Variants in PSG7 observed in about 807,000 individuals in gnomAD.
The protein encoded by PSG7 is pregnancy specific beta-1-glycoprotein 7.
A neutral mutation model predicts 45.6 loss-of-function variants in PSG7; 57 were observed. The ratio of observed to expected loss-of-function variants is 1.25; its 90% CI spans 1.01 to 1.56. The LOEUF (loss-of-function observed/expected upper bound fraction) is 1.56, where lower values mean the gene tolerates loss of function less well. Among genes scored for constraint, PSG7 ranks in the 40% most tolerant of loss-of-function variants. The pLI, the probability that PSG7 is intolerant of heterozygous loss-of-function variation, is 0.00. For synonymous variants in PSG7, 298 were observed against 194.4 expected, an observed-to-expected ratio of 1.53 and a Z score of -4.43; for missense variants, 796 against 508.4, an observed-to-expected ratio of 1.57 and a Z score of -5.44.
chr19:42,932,043 A>T lies in PSG7; in HGVS notation c.431-2323T>A, dbSNP rs150306214. On this transcript the variant is annotated intron_variant, in intron 2 of 5. Coordinates refer to ENST00000406070, the MANE Select transcript of PSG7 (RefSeq NM_002783.3). ...TCTCAAACAGCATTTTTTTTTTCTG[A>T]GACAGAGTCTCTCTTTGTCACCCAG... is the stretch of plus-strand genomic sequence containing the variant. Among the ~76,000 whole-genome samples, 1,201 of 150,830 alleles carry T rather than the reference A, an allele frequency of 8.0e-3. 38 individuals carry two copies. The highest frequency in any genetic ancestry group is 0.027 in the African/African-American group (1,104 of 41,018).
chr19:42,931,483 T>A (rs1466675799), intron 2 of PSG7, among the ~76,000 whole-genome samples: 1 of 151,620 alleles, frequency 6.6e-6, no homozygotes, highest in African/African-American at 2.4e-5. Context: ...TAGAAAGAAC[T>A]GCCTGCTTAT....
Position 42,935,532 on chromosome 19 carries a change from A to G in PSG7, c.302T>C (p.Val101Ala), listed in dbSNP as rs782714316. Residue 101 changes from valine to alanine, a missense_variant, in exon 2 of 6, where the codon GTA becomes GCA. Val to Ala is a moderately conservative substitution (Grantham distance 64). Transcript: ENST00000406070. The part of the protein sequence containing the change: ...YGPAYSGRET[V>A]YSNASLLIQN... ...GATCAGCAGGGATGCATTGGAATAT[A>G]CTGTTTCTCGTCCACTGTATGCAGG... is the stretch of plus-strand genomic sequence containing the variant. 6 of 1,612,080 alleles carry G rather than the reference A, an allele frequency of 3.7e-6. 1 individual carries two copies. Among genetic ancestry groups the G allele is most frequent in the Non-Finnish European group, 4.2e-6 (5 of 1,179,032 alleles).
chr19:42,929,592 G>A lies in PSG7; in HGVS notation c.559C>T (p.Leu187Phe), dbSNP rs373212271. 6.1e-5 allele frequency: 99 copies of A among 1,612,598 alleles called. 4 individuals are homozygous for A. The highest frequency in any genetic ancestry group is 3.3e-4 in the Admixed American group (20 of 59,908). ...SYLWWMNGQS[L>F]PMTHSLQLSE... Reference sequence around the variant, plus strand: ...AGCTGCAAGCTGTGAGTCATAGGGAGGCTCTGACCATTCATCCACCACAGG... The same window carrying A: ...AGCTGCAAGCTGTGAGTCATAGGGAAGCTCTGACCATTCATCCACCACAGG... The change falls in exon 3 of 6, where the codon CTC (leucine) becomes TTC (phenylalanine). Residue 187 changes from leucine to phenylalanine, a missense_variant. Coordinates refer to ENST00000406070, the MANE Select transcript of PSG7 (RefSeq NM_002783.3).
chr19:42,935,453 T>G lies in PSG7; in HGVS notation c.381A>C (p.Arg127=), dbSNP rs1413479542. The stretch of plus-strand genomic sequence containing the variant: ...CAGTTACTCCTCCAGTCCCATCACC[T>G]CGCTTTATGATGTGTAAAGTGTAGG... The part of the protein sequence containing the change: ...TGSYTLHIIK[R]GDGTGGVTGR... Residue 127 remains arginine, a synonymous_variant, in exon 2 of 6, where the codon CGA becomes CGC. Coordinates refer to ENST00000406070, the MANE Select transcript of PSG7 (RefSeq NM_002783.3). 2 of 1,612,156 alleles carry G rather than the reference T, an allele frequency of 1.2e-6. No homozygotes were observed. The highest frequency in any genetic ancestry group is 3.3e-5 in the Admixed American group (2 of 59,882).
chr19:42,935,032 G>A lies in PSG7; in HGVS notation c.430+372C>T, dbSNP rs1973113974. 1.3e-5 allele frequency among the ~76,000 whole-genome samples: 2 copies of A among 151,602 alleles called. 1 individual carries two copies. The highest frequency in any genetic ancestry group is 4.9e-5 in the African/African-American group (2 of 41,228). On this transcript the variant is annotated intron_variant, in intron 2 of 5. Coordinates refer to ENST00000406070, the MANE Select transcript of PSG7 (RefSeq NM_002783.3). ...GGGGTCTGGGGTTGAGGCTTCTAGG[G>A]CTGAGCTTCTCTGAGGGTCTCAGGG...
At chr19:42,930,686 GT>G (rs1286584543) in intron 2 of PSG7, among the ~76,000 whole-genome samples, 1 of 151,650 alleles carries the variant, frequency 6.6e-6, no homozygotes, top group East Asian at 1.9e-4. Context: ...CTGATTCTGA[GT>G]TTGACTACTC....
At chr19:42,931,082 G>C (rs535714430) in intron 2 of PSG7, among the ~76,000 whole-genome samples, 17 of 151,562 alleles carry the variant, frequency 1.1e-4, no homozygotes, top group African/African-American at 2.7e-4. Flanking sequence ...TTCTGGATTT[G>C]GGATGCTCAA....
chr19:42,930,948 C>T (rs375057700), intron 2 of PSG7, among the ~76,000 whole-genome samples: 39 of 151,676 alleles, frequency 2.6e-4, no homozygotes, highest in African/African-American at 8.2e-4. Context: ...ATTTGCAGTA[C>T]ATGTACTGGT....
rs758828390 is a variant in PSG7, at chr19:42,926,649, G to T, written c.777C>A (p.Thr259=). The T allele has an allele frequency of 4.3e-6, 7 of 1,610,134 alleles. No individual in the cohort carries two copies. The highest frequency in any genetic ancestry group is 3.3e-5 in the Admixed American group (2 of 59,890). The change falls in exon 4 of 6, where the codon ACC becomes ACA. Residue 259 remains threonine, a synonymous_variant. Transcript: ENST00000406070. ...TCTCACTCTTAGGTTCACAGGTGAA[G>T]GTTGAGACATCCTTATTCTCCCTGG... ...LNPRENKDVS[T]FTCEPKSENY...
chr19:42,937,067 G>C lies in PSG7; in HGVS notation c.10C>G (p.Leu4Val), dbSNP rs377017585. MGPLSAPPCTQHIT... is the reference protein window; with the variant it reads MGPVSAPPCTQHIT... ...TGCTGTGTGCAGGGAGGGGCTGAGA[G>C]GGGCCCCATGGTCTCTGCTCCCTGC... Residue 4 changes from leucine to valine, a missense_variant, in exon 1 of 6, where the codon CTC (leucine) becomes GTC (valine). By Grantham distance (32) the Leu-to-Val change is conservative. Transcript: ENST00000406070. 16 of 1,611,212 alleles carry C rather than the reference G, an allele frequency of 9.9e-6. No homozygotes were observed. The highest frequency in any genetic ancestry group is 1.3e-5 in the African/African-American group (1 of 74,606).
rs575476067 is a variant in PSG7, at chr19:42,926,108, C to A, written c.989-81G>T. ...CTGGTCTCTTAAAGGGACAGAGTGA[C>A]CCTCTGAGCCGAGACACACCCTCAA... is the stretch of plus-strand genomic sequence containing the variant. On this transcript the variant is annotated intron_variant, in intron 4 of 5. Coordinates refer to ENST00000406070, the MANE Select transcript of PSG7 (RefSeq NM_002783.3). 2.9e-5 allele frequency: 45 copies of A among 1,555,728 alleles called. No homozygotes were observed. The African/African-American group carries it at 5.7e-4, about 20-fold the overall frequency.
At chr19:42,929,870 T>A in intron 2 of PSG7, 150 bp from the exon 3 acceptor site, 1 of 1,302,490 alleles carries the variant, frequency 7.7e-7, no homozygotes, top group Non-Finnish European at 1.1e-6. Flanking sequence ...GACAGATGCA[T>A]GGCAATCTGA....
chr19:42,934,097 G>T (rs530624591), intron 2 of PSG7, among the ~76,000 whole-genome samples: 1 of 151,514 alleles, frequency 6.6e-6, no homozygotes, highest in East Asian at 1.9e-4. Context: ...GTGTGAGTGG[G>T]GAAAGAAAAC....
At chr19:42,928,188 T>A (rs1972936285) in intron 3 of PSG7, among the ~76,000 whole-genome samples, 1 of 151,644 alleles carries the variant, frequency 6.6e-6, no homozygotes, top group Admixed American at 6.6e-5. Context: ...AAAGGCTGAT[T>A]GCTATTTTCT....
chr19:42,929,308 G>A, intron 3 of PSG7, 134 bp downstream of exon 3: 4 of 1,572,296 alleles, frequency 2.5e-6, no homozygotes, highest in Non-Finnish European at 1.7e-6. Flanking sequence ...CCTGGGGCAG[G>A]AAGTCACCAC....
chr19:42,933,617 A>T (rs545623978), intron 2 of PSG7, among the ~76,000 whole-genome samples: 1 of 150,400 alleles, frequency 6.6e-6, no homozygotes, highest in Non-Finnish European at 1.5e-5. Flanking sequence ...CAGCCTAGTT[A>T]GAGGGAGTGT....
chr19:42,925,276 C>T (rs2122668800), intron 5 of PSG7: 1 of 305,912 alleles, frequency 3.3e-6, no homozygotes. Flanking sequence ...CAGGTTGTTA[C>T]TCTGTTTGTG....
rs184944789 is a variant in PSG7, at chr19:42,925,934, G to T, written c.1082C>A (p.Pro361Gln). The T allele has an allele frequency of 6.2e-6, 10 of 1,612,096 alleles. No individual in the cohort carries two copies. Among genetic ancestry groups the T allele is most frequent in the Non-Finnish European group, 7.6e-6 (9 of 1,179,210 alleles). Residue 361 changes from proline (P) to glutamine (Q), a missense_variant, in exon 5 of 6, where the codon CCG (proline) becomes CAG (glutamine). Transcript: ENST00000406070. The part of the protein sequence containing the change: ...YLSCFADSNP[P>Q]AQYSWTINGK... ...ATTAATTGTCCAAGAATACTGTGCC[G>T]GTGGGTTAGAGTCCGCAAAGCAGGA...
intron 3 of PSG7, among the ~76,000 whole-genome samples, chr19:42,928,945 G>T (rs143506138): frequency 2.6e-5 from 4 of 151,602 alleles, no homozygotes; most frequent in East Asian, 1.9e-4. Flanking sequence ...AAGAATGCTC[G>T]GCCAGTGGAT....
Sources: gnomAD v4.1 joint callset for allele counts (sites outside exome capture counted in the v4.1 genomes callset) on GRCh38, gnomAD v4.1.1 for gene constraint, MANE v1.5 for transcripts, NCBI Gene and HGNC (gene_info 2026-07-23, HGNC 2026-07-21) for gene names.